Variants in THADA observed in about 807,000 individuals in gnomAD.
The protein encoded by THADA is tRNA (32-2'-O)-methyltransferase regulator THADA.
THADA carries 213 observed loss-of-function variants against 219.8 expected under a neutral mutation model. That is an observed-to-expected ratio of 0.97 (90% CI 0.87 to 1.09). The LOEUF is 1.09. THADA is among the 50% of genes least tolerant of loss of function. The probability of loss-of-function intolerance (pLI) is 0.00; values close to 1 mark genes in which losing one functional copy is unlikely to be tolerated. For synonymous variants in THADA, 1,018 were observed against 828.9 expected (o/e 1.23, Z -3.92); for missense variants, 2,956 against 2,311.3 (o/e 1.28, Z -5.72).
At chr2:43,364,053 T>C (rs1310964629) in intron 29 of THADA, among the ~76,000 whole-genome samples, 1 of 151,524 alleles carries the variant, frequency 6.6e-6, no homozygotes, top group Admixed American at 6.6e-5. Context: ...GAAACCCTGT[T>C]ATCTACCAAA....
intron 36 of THADA, among the ~76,000 whole-genome samples, chr2:43,260,335 T>G (rs1037889819): frequency 3.3e-5 from 5 of 152,368 alleles, no homozygotes; most frequent in Admixed American, 1.3e-4. Context: ...TGAGCATTTT[T>G]TTCATGCGTG....
intron 29 of THADA, among the ~76,000 whole-genome samples, chr2:43,355,733 A>G (rs1668804321): frequency 6.6e-6 from 1 of 152,214 alleles, no homozygotes; most frequent in South Asian, 2.1e-4. Flanking sequence ...TCCCAGCACC[A>G]TTTACTGAAA....
At position 43,394,676 on chromosome 2, in the gene THADA, T is replaced by C. The variant is rs116448340; in HGVS notation, c.4227+3295A>G. ...CCCTTCCCAACTTAACCCTTTATGC[T>C]TTCCCCATAAAGAACCACAGGATGG... is the stretch of plus-strand genomic sequence containing the variant. On this transcript the variant is annotated intron_variant, in intron 29 of 37. Transcript: ENST00000405975. 5.3e-3 allele frequency among the ~76,000 whole-genome samples: 800 copies of C among 152,296 alleles called. 3 individuals carry two copies. Among genetic ancestry groups the C allele is most frequent in the African/African-American group, 0.018 (761 of 41,568 alleles).
chr2:43,473,968 C>T (rs920429310), intron 26 of THADA, among the ~76,000 whole-genome samples: 3 of 152,096 alleles, frequency 2.0e-5, no homozygotes, highest in Non-Finnish European at 2.9e-5. Context: ...CCAGCATCAC[C>T]ACAAACATGC....
intron 10 of THADA, 39 bp from the exon 11 acceptor site, chr2:43,575,066 A>G (rs906635023): frequency 7.2e-7 from 1 of 1,398,216 alleles, no homozygotes; most frequent in African/African-American, 1.4e-5. Context: ...TTGTAAACTG[A>G]TTAGTAAAAG....
chr2:43,574,234 T>C (rs1009255957), intron 11 of THADA, 102 bp downstream of exon 11: 5 of 808,764 alleles, frequency 6.2e-6, no homozygotes, highest in Admixed American at 3.1e-5. Context: ...TTACTATTTA[T>C]AGAAGTGATA....
At chr2:43,362,571 G>A (rs1011043135) in intron 29 of THADA, among the ~76,000 whole-genome samples, 1 of 152,192 alleles carries the variant, frequency 6.6e-6, no homozygotes, top group South Asian at 2.1e-4. Flanking sequence ...TGCAGGACTA[G>A]AAGTTGCTCT....
chr2:43,490,681 C>T (rs1411439912), intron 25 of THADA, among the ~76,000 whole-genome samples: 10 of 152,090 alleles, frequency 6.6e-5, no homozygotes, highest in Non-Finnish European at 4.4e-5. Context: ...AGTACACTAA[C>T]GTATTTTGAG....
At chr2:43,259,056 T>C (rs932717750) in intron 36 of THADA, among the ~76,000 whole-genome samples, 1 of 151,214 alleles carries the variant, frequency 6.6e-6, no homozygotes, top group African/African-American at 2.5e-5. Context: ...AGTTCTATGG[T>C]GTTAAAAAAA....
intron 26 of THADA, chr2:43,484,424 A>T (rs1326007957): frequency 5.9e-6 from 1 of 169,210 alleles, no homozygotes; most frequent in African/African-American, 2.4e-5. Flanking sequence ...CTAGATCCTC[A>T]AGAGAAAGAC....
In THADA at chr2:43,230,873, T is replaced by C; in HGVS notation, c.*75A>G. The C allele has an allele frequency of 1.3e-6, 2 of 1,492,516 alleles. No homozygotes were observed. The highest frequency in any genetic ancestry group is 1.8e-6 in the Non-Finnish European group (2 of 1,116,436). The allele number at this position is 1,492,516 out of a possible 1,614,324, so 92.5% of individuals were successfully genotyped here. On this transcript the variant is annotated 3_prime_UTR_variant, in exon 38 of 38. Coordinates refer to ENST00000405975, the MANE Select transcript of THADA (RefSeq NM_022065.5). ...GAATGGGATAAAATTTTTGAATTTATGTTCAACATGTTTCCTGCAGATTTA... is the reference window on the plus strand; with the variant it reads ...GAATGGGATAAAATTTTTGAATTTACGTTCAACATGTTTCCTGCAGATTTA...
Position 43,365,828 on chromosome 2 carries a change from G to T in THADA, c.4228-21591C>A, listed in dbSNP as rs577385015. On this transcript the variant is annotated intron_variant, in intron 29 of 37. Coordinates refer to ENST00000405975, the MANE Select transcript of THADA (RefSeq NM_022065.5). ...CTGAAGATGGAAAGGCCAGGACTGT[G>T]GATAGGCCAGGGGGTAAAATTAAGA... 2.6e-5 allele frequency among the ~76,000 whole-genome samples: 4 copies of T among 152,226 alleles called. No individual in the cohort carries two copies. The East Asian group carries it at 7.7e-4, about 29-fold the overall frequency.
chr2:43,316,113 C>T (rs1212181303), intron 31 of THADA, among the ~76,000 whole-genome samples: 1 of 152,168 alleles, frequency 6.6e-6, no homozygotes, highest in African/African-American at 2.4e-5. Context: ...CTACCTCTGT[C>T]TGTAATACCT....
rs141989546 is a variant in THADA at position 43,533,728 on chromosome 2, C to T, written c.3265-5740G>A. On this transcript the variant is annotated intron_variant, in intron 21 of 37. Transcript: ENST00000405975. ...ACACAGGGAGGGGAACATCACACAT[C>T]AGGGCCTGTCGTTGGGTGGAGGGCA... Among the ~76,000 whole-genome samples the T allele has an allele frequency of 4.1e-3, 622 of 152,178 alleles. 7 individuals carry two copies. The highest frequency in any genetic ancestry group is 0.014 in the African/African-American group (579 of 41,506).
chr2:43,287,316 G>C (rs1224930645), intron 34 of THADA, among the ~76,000 whole-genome samples: 1 of 151,900 alleles, frequency 6.6e-6, no homozygotes, highest in Non-Finnish European at 1.5e-5. Flanking sequence ...TTGGTTTGAG[G>C]CAAGGTCTTG....
chr2:43,565,116 G>C (rs1440911557), intron 15 of THADA: 1 of 152,174 alleles, frequency 6.6e-6, no homozygotes, highest in Non-Finnish European at 1.5e-5. Flanking sequence ...AAAGGACACA[G>C]ATATAGCAAA....
chr2:43,488,151 T>C (rs558106584), intron 25 of THADA, among the ~76,000 whole-genome samples: 4 of 152,342 alleles, frequency 2.6e-5, no homozygotes, highest in African/African-American at 7.2e-5. Flanking sequence ...GACTGCATGA[T>C]TGTTTTAAAA....
chr2:43,293,165 C>T lies in THADA; in HGVS notation c.4487G>A (p.Gly1496Glu). The change falls in exon 32 of 38, where the codon GGA becomes GAA. Residue 1496 changes from glycine (G) to glutamate (E), a missense_variant. Physicochemically the swap from Gly to Glu is moderately conservative, Grantham distance 98. Coordinates refer to ENST00000405975, the MANE Select transcript of THADA (RefSeq NM_022065.5). ...FWEEVRGIISGSELITGFPWA... is the reference protein window; with the variant it reads ...FWEEVRGIISESELITGFPWA... ...AGGGAATCCCGTTATCAGCTCTGAT[C>T]CTGAGATAATCCCTCTGACTTCCTC... The T allele has an allele frequency of 1.2e-6, 2 of 1,613,894 alleles. No homozygotes were observed. The highest frequency in any genetic ancestry group is 1.1e-5 in the South Asian group (1 of 91,078).
intron 31 of THADA, among the ~76,000 whole-genome samples, chr2:43,311,211 G>A (rs1018376353): frequency 4.0e-5 from 6 of 151,600 alleles, no homozygotes; most frequent in South Asian, 2.1e-4. Flanking sequence ...TTAAAAATGC[G>A]CAAAGGATCT....
Sources: allele counts gnomAD v4.1 joint callset (sites outside exome capture counted in the v4.1 genomes callset), GRCh38; gene constraint gnomAD v4.1.1; transcripts MANE v1.5; gene names NCBI Gene and HGNC (gene_info 2026-07-23, HGNC 2026-07-21).